Variants in HPS3 observed in about 807,000 individuals in gnomAD.
HPS3 encodes HPS3 biogenesis of lysosomal organelles complex 2 subunit 1, also known as BLOC-2 complex member HPS3.
In HPS3, 79 loss-of-function variants were observed where a neutral mutation model predicts 110.9. The ratio of observed to expected loss-of-function variants is 0.71; its 90% CI spans 0.59 to 0.86. The LOEUF is 0.86. HPS3 is among the 40% of genes least tolerant of loss of function. HPS3 has a pLI of 0.00. For synonymous variants in HPS3, 428 were observed against 451.0 expected, an observed-to-expected ratio of 0.95 and a Z score of 0.65; for missense variants, 1,197 against 1,206.2, an observed-to-expected ratio of 0.99 and a Z score of 0.11.
intron 8 of HPS3, 95 bp from the exon 9 acceptor site, chr3:149,157,255 T>TA: frequency 9.0e-7 from 1 of 1,107,772 alleles, no homozygotes. Context: ...GTCCAAATGT[T>TA]AACTTTACTA....
At chr3:149,156,450 T>G (rs1723461204) in intron 8 of HPS3, among the ~76,000 whole-genome samples, 1 of 152,232 alleles carries the variant, frequency 6.6e-6, no homozygotes, top group Non-Finnish European at 1.5e-5. Context: ...TGATGTCTCT[T>G]TAGCCTCCTT....
At chr3:149,150,971 A>T (rs1167651018) in intron 6 of HPS3, among the ~76,000 whole-genome samples, 1 of 151,964 alleles carries the variant, frequency 6.6e-6, no homozygotes, top group Non-Finnish European at 1.5e-5. Flanking sequence ...GTTCACAACT[A>T]CTGTATGCTA....
At position 149,140,041 on chromosome 3, in the gene HPS3, T is replaced by G. The variant is rs778577744; in HGVS notation, c.255T>G (p.Ala85=). 6 of 1,613,488 alleles carry G rather than the reference T, an allele frequency of 3.7e-6. No homozygotes were observed. The highest frequency in any genetic ancestry group is 5.1e-6 in the Non-Finnish European group (6 of 1,179,664). ...TAGCAATTGAAGAGAAAAACAAAGC[T>G]ACATTTCTACGTGCTTATGTGAACT... is the stretch of plus-strand genomic sequence containing the variant. ...YLVAIEEKNK[A]TFLRAYVNWR... The change falls in exon 2 of 17, where the codon GCT becomes GCG. Residue 85 remains alanine (A), a synonymous_variant. Coordinates refer to ENST00000296051, the MANE Select transcript of HPS3 (RefSeq NM_032383.5).
chr3:149,154,067 C>T (rs1369767244), intron 7 of HPS3: 3 of 198,096 alleles, frequency 1.5e-5, no homozygotes, highest in African/African-American at 7.2e-5. Context: ...GTATGTCTTA[C>T]CTTAAAGCAC....
rs765089574 is a variant in HPS3, at chr3:149,160,052, G to A, written c.1879G>A (p.Ala627Thr). Residue 627 changes from alanine (A) to threonine (T), a missense_variant, in exon 11 of 17, where the codon GCA (alanine) becomes ACA (threonine). Coordinates refer to ENST00000296051, the MANE Select transcript of HPS3 (RefSeq NM_032383.5). Reference sequence around the variant, plus strand: ...TCCTTCGTGCTCACCAAAGGAATTAGCAGCAAAAGTGGTTCAGATGTTTTA... The same window carrying A: ...TCCTTCGTGCTCACCAAAGGAATTAACAGCAAAAGTGGTTCAGATGTTTTA... ...NLDEELNEEL[A>T]AKVVQMFYVA... 1 of 1,612,780 alleles carries A rather than the reference G, an allele frequency of 6.2e-7. No homozygotes were observed. Among genetic ancestry groups the A allele is most frequent in the South Asian group, 1.1e-5 (1 of 91,056 alleles).
intron 1 of HPS3, among the ~76,000 whole-genome samples, chr3:149,139,645 T>C (rs1000423568): frequency 6.6e-6 from 1 of 152,240 alleles, no homozygotes; most frequent in Non-Finnish European, 1.5e-5. Context: ...AATGTATACC[T>C]AATTTTGGTG....
intron 5 of HPS3, among the ~76,000 whole-genome samples, chr3:149,147,491 G>T (rs750147335): frequency 5.3e-5 from 8 of 152,074 alleles, no homozygotes; most frequent in Non-Finnish European, 1.2e-4. Flanking sequence ...CAGAAACAAT[G>T]GAAAAAGGGA....
intron 1 of HPS3, among the ~76,000 whole-genome samples, chr3:149,135,238 A>G (rs1322175676): frequency 6.6e-6 from 1 of 152,220 alleles, no homozygotes; most frequent in African/African-American, 2.4e-5. Context: ...ATTTTGAAGG[A>G]TGGGGACCTC....
At chr3:149,145,938 A>G (rs1017936300) in intron 5 of HPS3, among the ~76,000 whole-genome samples, 1 of 152,174 alleles carries the variant, frequency 6.6e-6, no homozygotes. Flanking sequence ...GTTATTTATA[A>G]TAGTTTAGAA....
At chr3:149,153,024 C>T (rs116799937) in intron 6 of HPS3, among the ~76,000 whole-genome samples, 2,805 of 152,238 alleles carry the variant, frequency 0.018, 94 homozygotes, top group African/African-American at 0.064. Context: ...GCAAAGAAAC[C>T]ATTTTATGTA....
At chr3:149,167,872 A>C in intron 15 of HPS3, 21 bp from the exon 16 acceptor site, 1 of 1,436,170 alleles carries the variant, frequency 7.0e-7, no homozygotes. Context: ...ACTAAAATTT[A>C]TTCATTTTTT....
chr3:149,168,131 C>T, intron 16 of HPS3, 148 bp downstream of exon 16: 1 of 635,978 alleles, frequency 1.6e-6, no homozygotes, highest in Admixed American at 2.7e-5. Flanking sequence ...CATTCACGTA[C>T]CCTCCCCTTG....
Position 149,162,223 on chromosome 3 carries a change from G to T in HPS3, c.2182G>T (p.Glu728Ter). The change falls in exon 12 of 17, where the codon GAG (glutamate) becomes TAG (stop). Residue 728 changes from glutamate to a stop codon, truncating the protein, a stop_gained. Coordinates refer to ENST00000296051, the MANE Select transcript of HPS3 (RefSeq NM_032383.5). LOFTEE classifies it high-confidence loss of function. ...QQRKGQIVPT[E>*]LALHLKETQP... ...GAGAAAGGGACAGATTGTTCCAACC[G>T]AGCTTGCACTTCACTTGAAGGAAAC... is the stretch of plus-strand genomic sequence containing the variant. The T allele has an allele frequency of 6.2e-7, 1 of 1,613,966 alleles. No homozygotes were observed. The highest frequency in any genetic ancestry group is 1.1e-5 in the South Asian group (1 of 91,088).
chr3:149,135,279 T>C (rs1015115283), intron 1 of HPS3, among the ~76,000 whole-genome samples: 1 of 151,912 alleles, frequency 6.6e-6, no homozygotes, highest in African/African-American at 2.4e-5. Flanking sequence ...GAAAATAAAT[T>C]TAGGCTTTGT....
At position 149,141,075 on chromosome 3, in the gene HPS3, C is replaced by A. The variant is rs1037729992; in HGVS notation, c.771C>A (p.Pro257=). Residue 257 remains proline, a synonymous_variant, in exon 3 of 17, where the codon CCC becomes CCA. Transcript: ENST00000296051. ...ESDDFVICQK[P]LELLGEKSEQ... ...ATGATTTTGTCATCTGCCAGAAGCC[C>A]CTGGAACTTCTTGGTGAAAAAAGTG... 1 of 1,613,590 alleles carries A rather than the reference C, an allele frequency of 6.2e-7. No individual in the cohort carries two copies. The highest frequency in any genetic ancestry group is 1.3e-5 in the African/African-American group (1 of 74,776).
At chr3:149,146,095 A>G (rs926875699) in intron 5 of HPS3, among the ~76,000 whole-genome samples, 3 of 152,178 alleles carry the variant, frequency 2.0e-5, no homozygotes, top group Admixed American at 6.5e-5. Flanking sequence ...GCTGGCATGT[A>G]AACTGGGTTC....
chr3:149,145,552 G>A lies in HPS3; in HGVS notation c.1163+6G>A. 6.2e-7 allele frequency: 1 copy of A among 1,611,750 alleles called. No individual in the cohort carries two copies. The highest frequency in any genetic ancestry group is 8.5e-7 in the Non-Finnish European group (1 of 1,177,798). On this transcript the variant is annotated splice_donor_region_variant and intron_variant, in intron 5 of 16. Coordinates refer to ENST00000296051, the MANE Select transcript of HPS3 (RefSeq NM_032383.5). Reference sequence around the variant, plus strand: ...TTTTTGCACGTCATTACAAGGTACTGTTAGAGGGTCACTTGCTGGCCTGTG... The same window carrying A: ...TTTTTGCACGTCATTACAAGGTACTATTAGAGGGTCACTTGCTGGCCTGTG...
chr3:149,133,646 G>A (rs1316893951), intron 1 of HPS3, among the ~76,000 whole-genome samples: 1 of 152,140 alleles, frequency 6.6e-6, no homozygotes, highest in Non-Finnish European at 1.5e-5. Flanking sequence ...CCAGCCTCCA[G>A]TGACCACCAC....
intron 5 of HPS3, among the ~76,000 whole-genome samples, chr3:149,146,182 A>G (rs1056496695): frequency 6.6e-6 from 1 of 152,062 alleles, no homozygotes; most frequent in African/African-American, 2.4e-5. Context: ...CTGTTTTTTG[A>G]GCTTAGATTA....
Sources: gnomAD v4.1 joint callset for allele counts (sites outside exome capture counted in the v4.1 genomes callset) on GRCh38, gnomAD v4.1.1 for gene constraint, MANE v1.5 for transcripts, NCBI Gene and HGNC (gene_info 2026-07-23, HGNC 2026-07-21) for gene names.